The following ANO2 variants were observed in gnomAD, a reference collection of about 807,000 sequenced individuals.
ANO2 encodes anoctamin 2.
ANO2 carries 101 observed loss-of-function variants against 124.2 expected under a neutral mutation model. The ratio of observed to expected loss-of-function variants is 0.81; its 90% CI spans 0.69 to 0.96. The LOEUF is 0.96. Ranked by LOEUF, ANO2 falls within the 40% of genes least tolerant of loss-of-function variation. ANO2 has a pLI of 0.00. For synonymous variants in ANO2, 486 were observed against 482.5 expected, an observed-to-expected ratio of 1.01 and a Z score of -0.09; for missense variants, 1,293 against 1,274.5, an observed-to-expected ratio of 1.01 and a Z score of -0.22.
intron 20 of ANO2, among the ~76,000 whole-genome samples, chr12:5,588,800 C>A (rs529762862): frequency 5.8e-4 from 88 of 152,286 alleles, no homozygotes; most frequent in South Asian, 2.3e-3. Flanking sequence ...TGACCACAGA[C>A]CGGTGGGTTG....
intron 10 of ANO2, among the ~76,000 whole-genome samples, chr12:5,760,358 G>A (rs1241299030): frequency 1.3e-5 from 2 of 152,156 alleles, no homozygotes; most frequent in Non-Finnish European, 2.9e-5. Context: ...AAGCCTGTGA[G>A]ATAAAACACA....
chr12:5,663,100 G>A (rs538772591), intron 14 of ANO2, among the ~76,000 whole-genome samples: 1 of 152,324 alleles, frequency 6.6e-6, no homozygotes, highest in East Asian at 1.9e-4. Context: ...GCCTGCAGGC[G>A]AGGAGAGACC....
At chr12:5,802,351 C>G (rs1332484242) in intron 9 of ANO2, among the ~76,000 whole-genome samples, 3 of 152,168 alleles carry the variant, frequency 2.0e-5, no homozygotes, top group Admixed American at 2.0e-4. Flanking sequence ...CAGAGGAGGC[C>G]GTGATCAGGC....
At chr12:5,945,332 G>A (rs1943062037), upstream of ANO2, 5 of 1,010,482 alleles carry the variant, frequency 4.9e-6, no homozygotes, top group South Asian at 2.7e-5. Context: ...GCCCCTCGCC[G>A]GCTGCCGCCT....
chr12:5,895,460 A>C (rs1189076342), intron 3 of ANO2, among the ~76,000 whole-genome samples: 1 of 152,146 alleles, frequency 6.6e-6, no homozygotes, highest in African/African-American at 2.4e-5. Flanking sequence ...CATCACATAA[A>C]CAGAACCAGT....
At chr12:5,897,585 A>G (rs1028525599) in intron 3 of ANO2, among the ~76,000 whole-genome samples, 2 of 152,230 alleles carry the variant, frequency 1.3e-5, no homozygotes, top group Admixed American at 6.5e-5. Flanking sequence ...CCAGAAGCAG[A>G]TCCCATACAA....
intron 4 of ANO2, among the ~76,000 whole-genome samples, chr12:5,834,238 G>A (rs979372328): frequency 4.6e-5 from 7 of 152,208 alleles, no homozygotes; most frequent in African/African-American, 1.7e-4. Context: ...GGGCTAATCT[G>A]TCAGGCTGCA....
chr12:5,603,813 T>C (rs1944062885), intron 19 of ANO2, among the ~76,000 whole-genome samples: 1 of 151,374 alleles, frequency 6.6e-6, no homozygotes, highest in Admixed American at 6.6e-5. Context: ...GGCACGGTGG[T>C]GGGCGCCTGT....
intron 13 of ANO2, among the ~76,000 whole-genome samples, chr12:5,734,934 A>G (rs1231559520): frequency 3.3e-5 from 5 of 152,112 alleles, no homozygotes; most frequent in African/African-American, 1.2e-4. Flanking sequence ...ACAGGCGTGA[A>G]CCACTGCACC....
intron 10 of ANO2, among the ~76,000 whole-genome samples, chr12:5,796,276 TGC>T (rs1224416662): frequency 6.8e-6 from 1 of 147,460 alleles, no homozygotes; most frequent in East Asian, 2.0e-4. Context: ...GACACACGCA[TGC>T]ACACACACTC....
At position 5,598,062 on chromosome 12, in the gene ANO2, G is replaced by A. The variant is rs143934601; in HGVS notation, c.2233+1422C>T. On this transcript the variant is annotated intron_variant, in intron 20 of 24. Transcript: ENST00000682330. ...GGGCTAGGACAATATTTCCATGGCC[G>A]TCTGATCTAGACCCTGCCCATTACT... Among the ~76,000 whole-genome samples, 37 of 152,244 alleles carry A rather than the reference G, an allele frequency of 2.4e-4. 1 individual carries two copies. Among genetic ancestry groups the A allele is most frequent in the African/African-American group, 6.5e-4 (27 of 41,528 alleles).
At chr12:5,673,930 G>A (rs1948121352) in intron 14 of ANO2, among the ~76,000 whole-genome samples, 1 of 152,216 alleles carries the variant, frequency 6.6e-6, no homozygotes, top group Admixed American at 6.5e-5. Flanking sequence ...ACAGGGCAAG[G>A]CTTGGGGAAG....
intron 3 of ANO2, among the ~76,000 whole-genome samples, chr12:5,917,689 T>A (rs888789063): frequency 5.4e-5 from 8 of 149,150 alleles, no homozygotes; most frequent in Non-Finnish European, 8.9e-5. Flanking sequence ...TGCCTCAGCC[T>A]CCAGAGTAGC....
chr12:5,621,838 G>T (rs932971912), intron 16 of ANO2, among the ~76,000 whole-genome samples: 8 of 152,014 alleles, frequency 5.3e-5, no homozygotes, highest in African/African-American at 1.7e-4. Context: ...AAAGAGAAGG[G>T]AAGGGGGAAA....
Position 5,635,059 on chromosome 12 carries a change from C to G in ANO2, c.1816+93G>C, listed in dbSNP as rs1414642327. ...AATGCACTGTACAAAGCATCCTGTCCCTGTCCCATTTTTTTTATTTTATCA... is the reference window on the plus strand; with the variant it reads ...AATGCACTGTACAAAGCATCCTGTCGCTGTCCCATTTTTTTTATTTTATCA... On this transcript the variant is annotated intron_variant, in intron 16 of 24. Coordinates refer to ENST00000682330, the MANE Select transcript of ANO2 (RefSeq NM_001364791.2). The surrounding 1 kb of genome is among the most constrained non-coding windows in gnomAD (Gnocchi z 5.2). 8.6e-7 allele frequency: 1 copy of G among 1,159,202 alleles called. No homozygotes were observed. Among genetic ancestry groups the G allele is most frequent in the Non-Finnish European group, 1.2e-6 (1 of 848,938 alleles). 71.8% of individuals were successfully genotyped at this position (1,159,202 alleles called of 1,614,324 possible). A position where few individuals can be genotyped will look rare whatever the true frequency, so the allele number is the denominator to read the frequency against.
intron 1 of ANO2, among the ~76,000 whole-genome samples, chr12:5,933,112 G>A (rs1049638437): frequency 2.6e-5 from 4 of 152,212 alleles, no homozygotes; most frequent in Non-Finnish European, 4.4e-5. Context: ...GAGGGGCACA[G>A]AAAGGGCCCT....
At chr12:5,688,631 T>C (rs1948800654) in intron 14 of ANO2, among the ~76,000 whole-genome samples, 1 of 152,174 alleles carries the variant, frequency 6.6e-6, no homozygotes, top group Non-Finnish European at 1.5e-5. Context: ...TGCTGCTTTA[T>C]CTAAACCTAG....
Position 5,875,656 on chromosome 12 carries a change from A to C in ANO2, c.535-21515T>G, listed in dbSNP as rs963727456. Among the ~76,000 whole-genome samples the C allele has an allele frequency of 3.3e-5, 5 of 152,274 alleles. No homozygotes were observed. In the South Asian group the frequency reaches 6.2e-4, roughly 19 times the overall value. ...GCACCGGTGACGGTCACCATCAAAC[A>C]CATCAGGCCGCTTGGCTCTCTCAGT... On this transcript the variant is annotated intron_variant, in intron 3 of 24. Transcript: ENST00000682330.
At chr12:5,746,406 AGAATTCTAGAG>A (rs753547946) in intron 11 of ANO2, among the ~76,000 whole-genome samples, 15 of 152,210 alleles carry the variant, frequency 9.9e-5, no homozygotes, top group Admixed American at 2.0e-4. Context: ...CAATTTTAAC[AGAATTCTAGAG>A]GAATTCTGGC....
Sources: allele counts gnomAD v4.1 joint callset (sites outside exome capture counted in the v4.1 genomes callset), GRCh38; gene constraint gnomAD v4.1.1; non-coding constraint Gnocchi (gnomAD v3.1); transcripts MANE v1.5; gene names NCBI Gene and HGNC (gene_info 2026-07-23, HGNC 2026-07-21).